Variants in REEP1 observed in about 807,000 individuals in gnomAD.
REEP1 encodes the protein receptor accessory protein 1.
In REEP1, 22 loss-of-function variants were observed where a neutral mutation model predicts 40.3. The observed-to-expected ratio is 0.55, with a 90% CI of 0.39 to 0.78. The LOEUF is 0.78. REEP1 is among the 30% of genes least tolerant of loss of function. REEP1 has a pLI of 0.00. For missense variants in REEP1, 280 were observed against 361.1 expected, an observed-to-expected ratio of 0.78 and a Z score of 1.82; for synonymous variants, 116 against 139.2, an observed-to-expected ratio of 0.83 and a Z score of 1.17.
chr2:86,225,003 T>C (rs1479126656), intron 7 of REEP1, among the ~76,000 whole-genome samples: 1 of 152,188 alleles, frequency 6.6e-6, no homozygotes, highest in Non-Finnish European at 1.5e-5. Context: ...GACTCAAAAC[T>C]ACAGTGTGAA....
intron 6 of REEP1, among the ~76,000 whole-genome samples, chr2:86,229,769 C>T (rs567577225): frequency 1.4e-4 from 21 of 152,060 alleles, no homozygotes; most frequent in East Asian, 1.2e-3. Context: ...TGCACCACCA[C>T]GCCTGGCTAA....
chr2:86,254,760 G>A lies in REEP1; in HGVS notation c.237C>T (p.Pro79=). The A allele has an allele frequency of 6.2e-7, 1 of 1,613,810 alleles. No individual in the cohort carries two copies. The highest frequency in any genetic ancestry group is 1.1e-5 in the South Asian group (1 of 91,062). Reference sequence around the variant, plus strand: ...ACAGGAGGCTGGAGCCTTTTGTGTAGGGAGACAGCAGCCAGGCTACAAATG... The same window carrying A: ...ACAGGAGGCTGGAGCCTTTTGTGTAAGGAGACAGCAGCCAGGCTACAAATG... ...KIAFVAWLLS[P]YTKGSSLLYR... is the part of the protein sequence containing the mutation. The change falls in exon 4 of 9, where the codon CCC becomes CCT. Residue 79 remains proline (P), a synonymous_variant. Transcript: ENST00000538924.
At chr2:86,272,766 A>G (rs1341719515) in intron 2 of REEP1, among the ~76,000 whole-genome samples, 1 of 152,172 alleles carries the variant, frequency 6.6e-6, no homozygotes, top group Non-Finnish European at 1.5e-5. Context: ...AATAGTTACA[A>G]CTTTATGCTG....
chr2:86,281,073 G>A (rs1304821956), intron 2 of REEP1, among the ~76,000 whole-genome samples: 2 of 152,034 alleles, frequency 1.3e-5, no homozygotes, highest in Admixed American at 6.6e-5. Flanking sequence ...GACCAACCTC[G>A]GTCTTCTGAT....
intron 1 of REEP1, among the ~76,000 whole-genome samples, chr2:86,314,100 G>GCAAAA (rs1679883830): frequency 6.6e-6 from 1 of 152,190 alleles, no homozygotes; most frequent in East Asian, 1.9e-4. Flanking sequence ...CACAGTGACT[G>GCAAAA]GAATGATCTA....
intron 1 of REEP1, among the ~76,000 whole-genome samples, chr2:86,315,197 G>A (rs1396819202): frequency 6.6e-6 from 1 of 152,186 alleles, no homozygotes; most frequent in African/African-American, 2.4e-5. Flanking sequence ...TGCCAGGAGG[G>A]TGAGCCCCTC....
At chr2:86,237,518 C>CTGT (rs920844163) in intron 5 of REEP1, among the ~76,000 whole-genome samples, 1 of 151,716 alleles carries the variant, frequency 6.6e-6, no homozygotes, top group African/African-American at 2.4e-5. Context: ...TTTGTTTTTT[C>CTGT]TGTTGTTGTT....
chr2:86,254,714 T>C lies in REEP1; in HGVS notation c.283A>G (p.Thr95Ala), dbSNP rs2104244171. 6.2e-7 allele frequency: 1 copy of C among 1,613,686 alleles called. No homozygotes were observed. Among genetic ancestry groups the C allele is most frequent in the East Asian group, 2.2e-5 (1 of 44,882 alleles). Residue 95 changes from threonine (T) to alanine (A), a missense_variant, in exon 4 of 9, where the codon ACG (threonine) becomes GCG (alanine). By Grantham distance (58) the Thr-to-Ala change is moderately conservative. Transcript: ENST00000538924. ...SLLYRKFVHP[T>A]LSSKEKEIDD... ...ATTACCTTTTCTTTTGAAGATAGCG[T>C]GGGATGTACAAACTTCCTGTACAGG...
At chr2:86,316,601 G>A (rs988873193) in intron 1 of REEP1, among the ~76,000 whole-genome samples, 1 of 148,864 alleles carries the variant, frequency 6.7e-6, no homozygotes, top group Non-Finnish European at 1.5e-5. Flanking sequence ...GCTCATGCCT[G>A]TAATCCCAGC....
intron 1 of REEP1, among the ~76,000 whole-genome samples, chr2:86,289,982 T>C (rs1203138084): frequency 6.6e-6 from 1 of 152,070 alleles, no homozygotes; most frequent in Non-Finnish European, 1.5e-5. Context: ...AATGACTCCA[T>C]TTATATGCTC....
chr2:86,226,461 TTCTTTTC>T (rs1273310356), intron 7 of REEP1, among the ~76,000 whole-genome samples: 1 of 35,330 alleles, frequency 2.8e-5, no homozygotes, highest in Admixed American at 3.4e-4. Flanking sequence ...TTGTGGCTTT[TTCTTTTC>T]TTTTTTTTTT....
intron 1 of REEP1, among the ~76,000 whole-genome samples, chr2:86,290,792 C>T (rs1678654137): frequency 6.6e-6 from 1 of 152,168 alleles, no homozygotes; most frequent in African/African-American, 2.4e-5. Context: ...GAAAAGAGAT[C>T]CTCCGTCTGA....
intron 1 of REEP1, among the ~76,000 whole-genome samples, chr2:86,306,962 T>C (rs1431238788): frequency 1.3e-5 from 2 of 151,878 alleles, no homozygotes; most frequent in African/African-American, 4.8e-5. Context: ...CCCAGCACTT[T>C]GGGAGGCTGA....
chr2:86,232,704 T>G lies in REEP1; in HGVS notation c.516A>C (p.Pro172=). The change falls in exon 6 of 9, where the codon CCA becomes CCC. Residue 172 remains proline, a synonymous_variant. Transcript: ENST00000538924. ...TGCCGCTGGCCCGCCCAGACCCCGG[T>G]GGTGGGGGGCCCGAGGGAGCAGGGG... ...DGAPAPSGPP[P]PGSGRASGKH... The G allele has an allele frequency of 6.2e-7, 1 of 1,611,228 alleles. No individual in the cohort carries two copies. Among genetic ancestry groups the G allele is most frequent in the Non-Finnish European group, 8.5e-7 (1 of 1,179,964 alleles).
intron 1 of REEP1, among the ~76,000 whole-genome samples, chr2:86,317,006 T>C (rs1170407708): frequency 6.6e-6 from 1 of 152,180 alleles, no homozygotes. Context: ...GAGTTTGCCA[T>C]CACCAATTGT....
At chr2:86,334,257 G>A (rs1680904976) in intron 1 of REEP1, among the ~76,000 whole-genome samples, 2 of 152,178 alleles carry the variant, frequency 1.3e-5, no homozygotes, top group Non-Finnish European at 2.9e-5. Context: ...GATACCTCTG[G>A]TCGGATGGTT....
chr2:86,325,873 G>T (rs755774372), intron 1 of REEP1, among the ~76,000 whole-genome samples: 3 of 152,228 alleles, frequency 2.0e-5, no homozygotes, highest in Non-Finnish European at 4.4e-5. Flanking sequence ...CAGTGGGAAA[G>T]GATGCTTGAC....
At chr2:86,317,244 T>C (rs918666095) in intron 1 of REEP1, among the ~76,000 whole-genome samples, 3 of 152,154 alleles carry the variant, frequency 2.0e-5, no homozygotes, top group African/African-American at 4.8e-5. Flanking sequence ...TGAACTCTAA[T>C]TGCATCCAAA....
intron 1 of REEP1, among the ~76,000 whole-genome samples, chr2:86,327,826 C>A (rs866765892): frequency 4.0e-4 from 61 of 152,254 alleles, no homozygotes; most frequent in Middle Eastern, 6.8e-3. Context: ...CTCGGCCTCC[C>A]AAAGTGCTGG....
Sources: allele counts gnomAD v4.1 joint callset (sites outside exome capture counted in the v4.1 genomes callset), GRCh38; gene constraint gnomAD v4.1.1; transcripts MANE v1.5; gene names NCBI Gene and HGNC (gene_info 2026-07-23, HGNC 2026-07-21).